Variants in SLX4IP observed in about 807,000 individuals in gnomAD.
The protein encoded by SLX4IP is SLX4 interacting protein.
Under a neutral mutation model 32.9 loss-of-function variants are expected in SLX4IP, and 34 were observed. That is an observed-to-expected ratio of 1.03 (90% CI 0.79 to 1.38). SLX4IP has a LOEUF of 1.38. Among genes scored for constraint, SLX4IP ranks in the 40% most tolerant of loss-of-function variants. The pLI, the probability that SLX4IP is intolerant of heterozygous loss-of-function variation, is 0.00. For missense variants in SLX4IP, 444 were observed against 479.0 expected (o/e 0.93, Z 0.68); for synonymous variants, 172 against 171.7 (o/e 1.00, Z -0.01).
chr20:10,449,821 T>A (rs1322134118), intron 1 of SLX4IP, among the ~76,000 whole-genome samples: 1 of 152,188 alleles, frequency 6.6e-6, no homozygotes, highest in African/African-American at 2.4e-5. Flanking sequence ...TATTATTTTA[T>A]ATAAAAAATA....
intron 2 of SLX4IP, among the ~76,000 whole-genome samples, chr20:10,495,775 T>G (rs2065662066): frequency 6.6e-6 from 1 of 152,178 alleles, no homozygotes; most frequent in Non-Finnish European, 1.5e-5. Context: ...CTATTAATAT[T>G]TCAGTATTAA....
At chr20:10,455,112 C>T (rs950702211) in intron 1 of SLX4IP, among the ~76,000 whole-genome samples, 4 of 151,940 alleles carry the variant, frequency 2.6e-5, no homozygotes, top group African/African-American at 9.7e-5. Context: ...GAGTTGAGTT[C>T]TTTATATATT....
chr20:10,525,025 T>C (rs1029740894), intron 2 of SLX4IP, among the ~76,000 whole-genome samples: 19 of 152,218 alleles, frequency 1.2e-4, no homozygotes, highest in Non-Finnish European at 1.8e-4. Flanking sequence ...AGTGGTCCTG[T>C]ATGTGCTTAT....
chr20:10,464,046 C>A (rs995789899), intron 2 of SLX4IP, among the ~76,000 whole-genome samples: 1 of 152,122 alleles, frequency 6.6e-6, no homozygotes, highest in African/African-American at 2.4e-5. Flanking sequence ...ATAAGACATT[C>A]GTAGGATAAA....
At chr20:10,529,274 G>A (rs1410275498) in intron 2 of SLX4IP, among the ~76,000 whole-genome samples, 1 of 152,046 alleles carries the variant, frequency 6.6e-6, no homozygotes, top group Non-Finnish European at 1.5e-5. Context: ...GATAAAACAA[G>A]ATAAAATAAA....
chr20:10,466,241 G>T (rs562348754), intron 2 of SLX4IP, among the ~76,000 whole-genome samples: 1 of 152,326 alleles, frequency 6.6e-6, no homozygotes, highest in African/African-American at 2.4e-5. Context: ...AATGTTGCCA[G>T]GGTCGCTCTC....
chr20:10,595,864 T>C lies in SLX4IP; in HGVS notation c.239-2811T>C, dbSNP rs118067113. Among the ~76,000 whole-genome samples, 8 of 152,328 alleles carry C rather than the reference T, an allele frequency of 5.3e-5. No homozygotes were observed. The East Asian group carries it at 1.2e-3, about 22-fold the overall frequency. ...TGGATTAAGCAGGTGCAAATCTTTT[T>C]TACATGTTAAACTTGCTATTTCTCT... On this transcript the variant is annotated intron_variant, in intron 4 of 7. Transcript: ENST00000334534.
At chr20:10,566,103 A>G (rs1337320519) in intron 4 of SLX4IP, among the ~76,000 whole-genome samples, 3 of 151,514 alleles carry the variant, frequency 2.0e-5, no homozygotes, top group South Asian at 2.1e-4. Context: ...TGATGTTTGT[A>G]TCTTCCCTCC....
At chr20:10,477,819 C>T (rs188688369) in intron 2 of SLX4IP, among the ~76,000 whole-genome samples, 190 of 151,994 alleles carry the variant, frequency 1.3e-3, no homozygotes, top group Middle Eastern at 6.9e-3. Context: ...TAGGCTCCTT[C>T]TCATCCTCTT....
At chr20:10,620,258 C>T (rs1170769100) in intron 6 of SLX4IP, among the ~76,000 whole-genome samples, 1 of 152,164 alleles carries the variant, frequency 6.6e-6, no homozygotes, top group African/African-American at 2.4e-5. Context: ...GAGTTAACAC[C>T]TTGTATGGAT....
chr20:10,489,841 C>T (rs927928864), intron 2 of SLX4IP, among the ~76,000 whole-genome samples: 1 of 152,224 alleles, frequency 6.6e-6, no homozygotes, highest in African/African-American at 2.4e-5. Context: ...GTATTATTCA[C>T]ACATTTAATG....
chr20:10,624,423 TG>T lies in SLX4IP; in HGVS notation c.*1047del, dbSNP rs2067151254. 6.6e-6 allele frequency: 1 copy of T among 152,188 alleles called. No homozygotes were observed. The highest frequency in any genetic ancestry group is 2.4e-5 in the African/African-American group (1 of 41,438). The allele number at this position is 152,188 out of a possible 1,614,324, so 9.4% of individuals were successfully genotyped here. A position where few individuals can be genotyped will look rare whatever the true frequency, so the allele number is the denominator to read the frequency against. ...TTACAATGTCACCCACTGTCTCCAG[TG>T]GGCTTGATGAAATGTCACATAGTGA... On this transcript the variant is annotated 3_prime_UTR_variant, in exon 8 of 8. Coordinates refer to ENST00000334534, the MANE Select transcript of SLX4IP (RefSeq NM_001009608.3).
At chr20:10,556,658 G>A (rs1039892571) in intron 3 of SLX4IP, among the ~76,000 whole-genome samples, 1 of 152,192 alleles carries the variant, frequency 6.6e-6, no homozygotes, top group Non-Finnish European at 1.5e-5. Flanking sequence ...TAACCTGACT[G>A]GTTGTGAAGG....
chr20:10,542,547 TC>T (rs1356521712), intron 2 of SLX4IP, among the ~76,000 whole-genome samples: 1 of 152,216 alleles, frequency 6.6e-6, no homozygotes, highest in Non-Finnish European at 1.5e-5. Context: ...ATAGTTTGTC[TC>T]AATTTCAATA....
At chr20:10,616,148 A>G (rs1013414121) in intron 6 of SLX4IP, among the ~76,000 whole-genome samples, 4 of 152,082 alleles carry the variant, frequency 2.6e-5, no homozygotes, top group African/African-American at 4.8e-5. Flanking sequence ...CGAGTCACCA[A>G]TGACTTCTCT....
intron 2 of SLX4IP, among the ~76,000 whole-genome samples, chr20:10,461,714 G>T (rs189828103): frequency 6.6e-6 from 1 of 152,348 alleles, no homozygotes; most frequent in East Asian, 1.9e-4. Context: ...GAAGTCTTGT[G>T]TGAGTGCTGT....
chr20:10,501,771 A>G (rs575698387), intron 2 of SLX4IP, among the ~76,000 whole-genome samples: 17 of 152,392 alleles, frequency 1.1e-4, no homozygotes, highest in African/African-American at 4.1e-4. Flanking sequence ...GTGGCCATGA[A>G]GAAAAGTTCG....
At chr20:10,596,729 G>A (rs1342923241) in intron 4 of SLX4IP, among the ~76,000 whole-genome samples, 1 of 152,062 alleles carries the variant, frequency 6.6e-6, no homozygotes, top group Non-Finnish European at 1.5e-5. Context: ...TTTGCTGTAT[G>A]TGTTTGTGAG....
chr20:10,521,994 C>G (rs1422460517), intron 2 of SLX4IP, among the ~76,000 whole-genome samples: 1 of 152,086 alleles, frequency 6.6e-6, no homozygotes, highest in African/African-American at 2.4e-5. Context: ...AATTTGATTA[C>G]AGAAGGCCCT....
Sources: gnomAD v4.1 joint callset for allele counts (sites outside exome capture counted in the v4.1 genomes callset) on GRCh38, gnomAD v4.1.1 for gene constraint, MANE v1.5 for transcripts, NCBI Gene and HGNC (gene_info 2026-07-23, HGNC 2026-07-21) for gene names.